PCDH10: variants seen among roughly 807,000 people sequenced by gnomAD.
The protein encoded by PCDH10 is protocadherin 10.
PCDH10 carries 15 observed loss-of-function variants against 74.4 expected under a neutral mutation model. That is an observed-to-expected ratio of 0.20 (90% CI 0.13 to 0.31). PCDH10 has a LOEUF of 0.31. Ranked by LOEUF, PCDH10 falls within the 10% of genes least tolerant of loss-of-function variation. PCDH10 has a pLI of 1.00. For synonymous variants in PCDH10, 619 were observed against 589.8 expected (o/e 1.05, Z -0.72); for missense variants, 1,260 against 1,390.2 (o/e 0.91, Z 1.49).
At chr4:133,160,436 GT>G (rs1726943962) in intron 3 of PCDH10, among the ~76,000 whole-genome samples, 2 of 149,754 alleles carry the variant, frequency 1.3e-5, no homozygotes, top group South Asian at 4.2e-4. Flanking sequence ...ACATGCTATA[GT>G]TTATTTTTAA....
chr4:133,186,694 G>A (rs1560714865), intron 4 of PCDH10, among the ~76,000 whole-genome samples: 1 of 151,952 alleles, frequency 6.6e-6, no homozygotes. Flanking sequence ...CCAACATTAG[G>A]CCATACAACC....
chr4:133,153,153 C>G, intron 1 of PCDH10: 3 of 1,176,846 alleles, frequency 2.5e-6, no homozygotes, highest in Non-Finnish European at 3.2e-6. Context: ...TTTTTCTTTG[C>G]GTCTGTCCCA....
intron 2 of PCDH10, 30 bp from the exon 3 acceptor site, chr4:133,154,887 A>G (rs2125860192): frequency 7.1e-7 from 1 of 1,408,212 alleles, no homozygotes; most frequent in Non-Finnish European, 1.0e-6. Context: ...CACCTTTTTT[A>G]TTCTAATATT....
rs1212141160 is a variant in PCDH10 at position 133,192,014 on chromosome 4, C to T, written c.*1854C>T. On this transcript the variant is annotated 3_prime_UTR_variant, in exon 5 of 5. Coordinates refer to ENST00000264360, the MANE Select transcript of PCDH10 (RefSeq NM_032961.3). The stretch of plus-strand genomic sequence containing the variant: ...ACACACACTTAGGTCCTGATATGTA[C>T]ATTTAGAGTGATATATTGGTATCAC... 1.4e-5 allele frequency: 2 copies of T among 146,770 alleles called. No individual in the cohort carries two copies. The highest frequency in any genetic ancestry group is 3.9e-4 in the East Asian group (2 of 5,064). 9.1% of individuals were successfully genotyped at this position (146,770 alleles called of 1,614,324 possible).
exon 3 of PCDH10, chr4:133,208,367 T>G (rs1334726563): frequency 1.3e-5 from 2 of 152,246 alleles, no homozygotes; most frequent in African/African-American, 4.8e-5. Flanking sequence ...TAATACATTA[T>G]GTAGGTGAGA....
chr4:133,202,954 AG>A (rs1727932149), intron 2 of PCDH10, among the ~76,000 whole-genome samples: 1 of 152,150 alleles, frequency 6.6e-6, no homozygotes, highest in Admixed American at 6.5e-5. Flanking sequence ...TTGGTCTTTC[AG>A]GGAGAGTATA....
downstream of PCDH10, among the ~76,000 whole-genome samples, chr4:133,197,897 G>A (rs2125876437): frequency 6.6e-6 from 1 of 151,642 alleles, no homozygotes; most frequent in South Asian, 2.1e-4. Flanking sequence ...CTTATTCTCA[G>A]TTGTGTTTCC....
intron 2 of PCDH10, 136 bp from the exon 3 acceptor site, chr4:133,154,781 T>A: frequency 1.6e-6 from 1 of 633,590 alleles, no homozygotes; most frequent in South Asian, 2.0e-5. Context: ...CTATAAAAAC[T>A]AGCTTTATGC....
chr4:133,151,719 G>T lies in PCDH10; in HGVS notation c.1579G>T (p.Ala527Ser). ...CAACTCTGAGAACGGCTACTTGTAC[G>T]CCCTGCGCTCCTTCGACTATGAGCA... ...SINSENGYLY[A>S]LRSFDYEQLK... Residue 527 changes from alanine (A) to serine (S), a missense_variant, in exon 1 of 5, where the codon GCC becomes TCC. This residue lies in a region of PCDH10 where 587 missense variants were observed against 616.9 expected (regional missense o/e 0.95). Coordinates refer to ENST00000264360, the MANE Select transcript of PCDH10 (RefSeq NM_032961.3). 1.2e-6 allele frequency: 2 copies of T among 1,613,204 alleles called. No homozygotes were observed. Among genetic ancestry groups the T allele is most frequent in the Non-Finnish European group, 1.7e-6 (2 of 1,180,048 alleles).
Position 133,151,722 on chromosome 4 carries a change from C to T in PCDH10, c.1582C>T (p.Leu528=). ...INSENGYLYA[L]RSFDYEQLKD... The stretch of plus-strand genomic sequence containing the variant: ...CTCTGAGAACGGCTACTTGTACGCC[C>T]TGCGCTCCTTCGACTATGAGCAGCT... Residue 528 remains leucine, a synonymous_variant, in exon 1 of 5, where the codon CTG becomes TTG. Transcript: ENST00000264360. 1 of 1,613,250 alleles carries T rather than the reference C, an allele frequency of 6.2e-7. No individual in the cohort carries two copies. The highest frequency in any genetic ancestry group is 8.5e-7 in the Non-Finnish European group (1 of 1,180,058).
intron 4 of PCDH10, among the ~76,000 whole-genome samples, chr4:133,167,174 G>C (rs540035508): frequency 6.6e-6 from 1 of 151,538 alleles, no homozygotes; most frequent in Non-Finnish European, 1.5e-5. Context: ...TTAAAATACT[G>C]CTAAAACTTA....
chr4:133,184,780 A>G (rs1578574654), intron 4 of PCDH10, among the ~76,000 whole-genome samples: 1 of 138,506 alleles, frequency 7.2e-6, no homozygotes, highest in South Asian at 2.2e-4. Flanking sequence ...ATAAATATAT[A>G]TATAAATATA....
chr4:133,199,464 G>A (rs1727859541), downstream of PCDH10, among the ~76,000 whole-genome samples: 1 of 151,144 alleles, frequency 6.6e-6, no homozygotes, highest in African/African-American at 2.4e-5. Flanking sequence ...AAAATGGAGG[G>A]GAGAGGATAG....
intron 3 of PCDH10, among the ~76,000 whole-genome samples, chr4:133,156,193 C>T (rs148559486): frequency 1.9e-3 from 283 of 152,342 alleles, no homozygotes; most frequent in Middle Eastern, 3.4e-3. Context: ...CAAAGGGCAG[C>T]GTACACCCCA....
intron 4 of PCDH10, among the ~76,000 whole-genome samples, chr4:133,169,209 A>G (rs773358262): frequency 1.3e-5 from 2 of 151,682 alleles, no homozygotes; most frequent in Non-Finnish European, 3.0e-5. Context: ...ATCTTTTTAT[A>G]AAGCTAATAG....
Position 133,151,649 on chromosome 4 carries a change from C to G in PCDH10, c.1509C>G (p.Leu503=). 1.2e-6 allele frequency: 2 copies of G among 1,613,808 alleles called. No individual in the cohort carries two copies. The highest frequency in any genetic ancestry group is 1.7e-6 in the Non-Finnish European group (2 of 1,180,054). ...GANAQLAYSI[L]ECQIQGMSVF... ...ACGCCCAGCTTGCCTACTCTATCCT[C>G]GAGTGCCAGATCCAGGGCATGAGCG... is the stretch of plus-strand genomic sequence containing the variant. Residue 503 remains leucine (L), a synonymous_variant, in exon 1 of 5, where the codon CTC becomes CTG. Coordinates refer to ENST00000264360, the MANE Select transcript of PCDH10 (RefSeq NM_032961.3).
chr4:133,200,362 AT>A (rs927342939), intron 2 of PCDH10, among the ~76,000 whole-genome samples: 2 of 151,704 alleles, frequency 1.3e-5, no homozygotes, highest in East Asian at 1.9e-4. Flanking sequence ...ACCTTCTGGC[AT>A]TTTTTTTCTT....
Position 133,188,665 on chromosome 4 carries a change from G to GTTTT in PCDH10, c.3104-1454_3104-1451dup, listed in dbSNP as rs1167321577. 3.2e-3 allele frequency among the ~76,000 whole-genome samples: 240 copies of GTTTT among 74,666 alleles called. 4 individuals carry two copies. Among genetic ancestry groups the GTTTT allele is most frequent in the African/African-American group, 7.0e-3 (128 of 18,230 alleles). 49.0% of individuals were successfully genotyped at this position (74,666 alleles called of 152,430 possible). A position where few individuals can be genotyped will look rare whatever the true frequency, so the allele number is the denominator to read the frequency against. On this transcript the variant is annotated intron_variant, in intron 4 of 4. Coordinates refer to ENST00000264360, the MANE Select transcript of PCDH10 (RefSeq NM_032961.3). Reference sequence around the variant, plus strand: ...TGATGATGGTGCCTGACTGCTATGGGTTTTTTTTTTTTTTTTTTTTTTTTT... The same window carrying GTTTT: ...TGATGATGGTGCCTGACTGCTATGGGTTTTTTTTTTTTTTTTTTTTTTTTTTTTT...
At chr4:133,158,751 T>A (rs1407848076) in intron 3 of PCDH10, among the ~76,000 whole-genome samples, 2 of 152,090 alleles carry the variant, frequency 1.3e-5, no homozygotes, top group African/African-American at 2.4e-5. Context: ...TTGCCAAGTT[T>A]GATTTTGGGT....
Sources: allele counts gnomAD v4.1 joint callset (sites outside exome capture counted in the v4.1 genomes callset), GRCh38; gene constraint gnomAD v4.1.1; regional missense constraint gnomAD v4.1.1; transcripts MANE v1.5; gene names NCBI Gene and HGNC (gene_info 2026-07-23, HGNC 2026-07-21).